Variants in RCOR2 observed in about 807,000 individuals in gnomAD.
The protein encoded by RCOR2 is REST corepressor 2.
RCOR2 carries 19 observed loss-of-function variants against 58.9 expected under a neutral mutation model. The observed-to-expected ratio is 0.32, with a 90% CI of 0.23 to 0.47. The LOEUF is 0.47. Among genes scored for constraint, RCOR2 ranks in the 20% least tolerant of loss-of-function variants. The pLI is 1.00. For synonymous variants in RCOR2, 286 were observed against 278.7 expected (o/e 1.03, Z -0.26); for missense variants, 590 against 707.9 (o/e 0.83, Z 1.89).
chr11:63,913,662 T>A (rs1418840728), intron 8 of RCOR2, among the ~76,000 whole-genome samples: 1 of 152,160 alleles, frequency 6.6e-6, no homozygotes, highest in Non-Finnish European at 1.5e-5. Context: ...TTTGTATTTT[T>A]AGTAGAGACA....
In RCOR2 at chr11:63,916,442, C is replaced by T. The variant is rs573627310; in HGVS notation, c.15G>A (p.Met5Ile). The T allele has an allele frequency of 4.4e-6, 7 of 1,608,354 alleles. No homozygotes were observed. In the South Asian group the frequency reaches 6.7e-5, roughly 15 times the overall value. The change falls in exon 1 of 12, where the codon ATG becomes ATA. Residue 5 changes from methionine (M) to isoleucine (I), a missense_variant. This residue lies in a region of RCOR2 where 390 missense variants were observed against 478.7 expected (regional missense o/e 0.81). Coordinates refer to ENST00000301459, the MANE Select transcript of RCOR2 (RefSeq NM_173587.4). The stretch of plus-strand genomic sequence containing the variant: ...TCCCAGAGCCCGCGCTCGGCTTCTC[C>T]ATCACTGAGGGCATTACCCCGCCCA... MPSVMEKPSAGSGIL... is the reference protein window; with the variant it reads MPSVIEKPSAGSGIL...
chr11:63,926,489 C>CTCTT, the RCOR2 span, among the ~76,000 whole-genome samples: 37 of 137,836 alleles, frequency 2.7e-4, no homozygotes, highest in East Asian at 4.2e-4. Flanking sequence ...CTCTCTCTCT[C>CTCTT]TTTTTTTTTT....
At chr11:63,921,779 A>G (rs1403324240), upstream of RCOR2, among the ~76,000 whole-genome samples, 1 of 152,202 alleles carries the variant, frequency 6.6e-6, no homozygotes, top group Non-Finnish European at 1.5e-5. Context: ...TCCATGAGGC[A>G]GCCCATGCCC....
At position 63,913,160 on chromosome 11, in the gene RCOR2, TTTTATATA is replaced by T. The variant is rs1941801843; in HGVS notation, c.892-221_892-214del. Among the ~76,000 whole-genome samples, 3 of 40,174 alleles carry T rather than the reference TTTTATATA, an allele frequency of 7.5e-5. No individual in the cohort carries two copies. The South Asian group carries it at 3.4e-3, about 46-fold the overall frequency. 26.4% of individuals were successfully genotyped at this position (40,174 alleles called of 152,430 possible). On this transcript the variant is annotated intron_variant, in intron 8 of 11. Coordinates refer to ENST00000301459, the MANE Select transcript of RCOR2 (RefSeq NM_173587.4). ...CTGCAGACCAGTTTATATTTTTATTTTTTATATATATATATATATATATATTTTTTTTT... is the reference window on the plus strand; with the variant it reads ...CTGCAGACCAGTTTATATTTTTATTTTATATATATATATATATTTTTTTTT...
upstream of RCOR2, among the ~76,000 whole-genome samples, chr11:63,919,445 G>A (rs112775903): frequency 6.6e-6 from 1 of 152,112 alleles, no homozygotes; most frequent in Non-Finnish European, 1.5e-5. Context: ...CCGGGGCTGC[G>A]GGGCGGGGCT....
intron 1 of RCOR2, 149 bp downstream of exon 1, chr11:63,916,181 G>T: frequency 1.3e-6 from 1 of 793,518 alleles, no homozygotes; most frequent in Non-Finnish European, 1.9e-6. Flanking sequence ...GGCAGCCTGG[G>T]TTTGTGGGAG....
chr11:63,914,314 C>T lies in RCOR2; in HGVS notation c.622G>A (p.Gly208Ser), dbSNP rs750770076. The T allele has an allele frequency of 1.7e-5, 27 of 1,613,492 alleles. No homozygotes were observed. Among genetic ancestry groups the T allele is most frequent in the African/African-American group, 5.3e-5 (4 of 74,892 alleles). The change falls in exon 7 of 12, where the codon GGT (glycine) becomes AGT (serine). Residue 208 changes from glycine (G) to serine (S), a missense_variant. Physicochemically the swap from Gly to Ser is moderately conservative, Grantham distance 56. Around this residue, in one of 3 missense-constraint regions of RCOR2, gnomAD observed 390 missense variants for 478.7 expected, o/e 0.81. Coordinates refer to ENST00000301459, the MANE Select transcript of RCOR2 (RefSeq NM_173587.4). Reference sequence around the variant, plus strand: ...TCTCCCTCACTCACGCCTCCTCGACCCTCTTCGAGCTCATCACTGCTGACA... The same window carrying T: ...TCTCCCTCACTCACGCCTCCTCGACTCTCTTCGAGCTCATCACTGCTGACA... The part of the protein sequence containing the change: ...DKEDSDELEE[G>S]RGGVSEGEPD...
At chr11:63,917,327 G>C (rs1021724170), upstream of RCOR2, among the ~76,000 whole-genome samples, 1 of 152,112 alleles carries the variant, frequency 6.6e-6, no homozygotes, top group Non-Finnish European at 1.5e-5. Flanking sequence ...CAGGACCCTG[G>C]TGGGGCGCGC....
Position 63,916,649 on chromosome 11 carries a change from C to G in RCOR2, c.-193G>C. Reference sequence around the variant, plus strand: ...GTAGCCCCAGCGCTCTCCACGACCCCCACGAGCCAGGGCGTCAGAAAAGTT... The same window carrying G: ...GTAGCCCCAGCGCTCTCCACGACCCGCACGAGCCAGGGCGTCAGAAAAGTT... On this transcript the variant is annotated 5_prime_UTR_variant, in exon 1 of 12. Coordinates refer to ENST00000301459, the MANE Select transcript of RCOR2 (RefSeq NM_173587.4). 1 of 943,708 alleles carries G rather than the reference C, an allele frequency of 1.1e-6. No individual in the cohort carries two copies. The highest frequency in any genetic ancestry group is 1.5e-6 in the Non-Finnish European group (1 of 659,742). The allele number at this position is 943,708 out of a possible 1,614,324, so 58.5% of individuals were successfully genotyped here. A position where few individuals can be genotyped will look rare whatever the true frequency, so the allele number is the denominator to read the frequency against.
In RCOR2 at chr11:63,914,265, C is replaced by A. The variant is rs1226774197; in HGVS notation, c.671G>T (p.Arg224Ile). Reference protein sequence around the residue: ...EGEPDPADPKREPLPSRPLNA... With the variant: ...EGEPDPADPKIEPLPSRPLNA... The stretch of plus-strand genomic sequence containing the variant: ...CCAGAGGCTCTGGGAGCTCACCTCT[C>A]TCTTGGGATCTGCAGGATCGGGCTC... The change falls in exon 7 of 12, where the codon AGA (arginine) becomes ATA (isoleucine). Residue 224 changes from arginine to isoleucine, a missense_variant. Arg to Ile is a moderately conservative substitution (Grantham distance 97). Transcript: ENST00000301459. 1 of 1,613,530 alleles carries A rather than the reference C, an allele frequency of 6.2e-7. No homozygotes were observed.
At chr11:63,923,289 A>G in the RCOR2 span, among the ~76,000 whole-genome samples, 1 of 150,970 alleles carries the variant, frequency 6.6e-6, no homozygotes, top group Non-Finnish European at 1.5e-5. Flanking sequence ...AAGTCCATTC[A>G]TCCTAAACAC....
rs1941742826 is a variant in RCOR2 at position 63,911,239 on chromosome 11, A to T, written c.*626T>A. 1 of 152,074 alleles carries T rather than the reference A, an allele frequency of 6.6e-6. No homozygotes were observed. 9.4% of individuals were successfully genotyped at this position (152,074 alleles called of 1,614,324 possible). ...AGAAAACTCAGTAAGCTTAGATTTT[A>T]TTTTTTTTAATTTTTAAAAAATGTT... On this transcript the variant is annotated 3_prime_UTR_variant, in exon 12 of 12. Coordinates refer to ENST00000301459, the MANE Select transcript of RCOR2 (RefSeq NM_173587.4).
the RCOR2 span, among the ~76,000 whole-genome samples, chr11:63,924,106 C>T: frequency 1.3e-5 from 2 of 152,320 alleles, no homozygotes; most frequent in Non-Finnish European, 2.9e-5. Context: ...CAGGGTTTCT[C>T]CATGTTAGTC....
At chr11:63,922,474 T>C in the RCOR2 span, among the ~76,000 whole-genome samples, 1 of 152,168 alleles carries the variant, frequency 6.6e-6, no homozygotes, top group Admixed American at 6.5e-5. Context: ...TGCCTCAGCC[T>C]CCCGAGTAGT....
In RCOR2 at chr11:63,916,441, C is replaced by T. The variant is rs751913331; in HGVS notation, c.16G>A (p.Glu6Lys). Reference sequence around the variant, plus strand: ...ATCCCAGAGCCCGCGCTCGGCTTCTCCATCACTGAGGGCATTACCCCGCCC... The same window carrying T: ...ATCCCAGAGCCCGCGCTCGGCTTCTTCATCACTGAGGGCATTACCCCGCCC... MPSVM[E>K]KPSAGSGILS... The change falls in exon 1 of 12, where the codon GAG (glutamate) becomes AAG (lysine). Residue 6 changes from glutamate to lysine, a missense_variant. Coordinates refer to ENST00000301459, the MANE Select transcript of RCOR2 (RefSeq NM_173587.4). 1 of 1,608,426 alleles carries T rather than the reference C, an allele frequency of 6.2e-7. No individual in the cohort carries two copies. Among genetic ancestry groups the T allele is most frequent in the Non-Finnish European group, 8.5e-7 (1 of 1,178,322 alleles).
At chr11:63,923,170 C>T in the RCOR2 span, among the ~76,000 whole-genome samples, 1 of 152,048 alleles carries the variant, frequency 6.6e-6, no homozygotes, top group Non-Finnish European at 1.5e-5. Flanking sequence ...TTGCATCACC[C>T]TCAGTGCCAG....
the RCOR2 span, among the ~76,000 whole-genome samples, chr11:63,925,225 C>A: frequency 1.3e-5 from 2 of 152,178 alleles, no homozygotes; most frequent in Non-Finnish European, 2.9e-5. Flanking sequence ...GGATTAAGAT[C>A]AAGCTCCTTA....
chr11:63,917,211 T>A (rs916701856), upstream of RCOR2, among the ~76,000 whole-genome samples: 2 of 121,484 alleles, frequency 1.6e-5, no homozygotes, highest in Non-Finnish European at 3.3e-5. Context: ...TCAGCACCCC[T>A]CCCCCAGCCG....
intron 3 of RCOR2, 84 bp downstream of exon 3, chr11:63,915,094 A>G (rs753307273): frequency 1.0e-3 from 1,564 of 1,510,846 alleles, no homozygotes; most frequent in Non-Finnish European, 1.3e-3. Context: ...CGAACACCTC[A>G]GCTTCCAGCC....
Sources: gnomAD v4.1 joint callset for allele counts (sites outside exome capture counted in the v4.1 genomes callset) on GRCh38, gnomAD v4.1.1 for gene constraint, gnomAD v4.1.1 regional missense constraint, MANE v1.5 for transcripts, NCBI Gene and HGNC (gene_info 2026-07-23, HGNC 2026-07-21) for gene names.